ETV6: variants seen among roughly 807,000 people sequenced by gnomAD.
The protein encoded by ETV6 is ETS variant transcription factor 6.
Under a neutral mutation model 51.1 loss-of-function variants are expected in ETV6, and 16 were observed. That is an observed-to-expected ratio of 0.31 (90% CI 0.21 to 0.48). The LOEUF is 0.48. Among genes scored for constraint, ETV6 ranks in the 20% least tolerant of loss-of-function variants. The pLI, the probability that ETV6 is intolerant of heterozygous loss-of-function variation, is 0.99. For synonymous variants in ETV6, 240 were observed against 224.1 expected (o/e 1.07, Z -0.64); for missense variants, 458 against 594.8 (o/e 0.77, Z 2.39).
At chr12:11,680,896 A>G (rs987923843) in intron 1 of ETV6, among the ~76,000 whole-genome samples, 1 of 152,156 alleles carries the variant, frequency 6.6e-6, no homozygotes, top group Admixed American at 6.5e-5. Context: ...CTTCTCTGTG[A>G]TGCTCCTTAC....
At chr12:11,765,241 G>A (rs868777288) in intron 2 of ETV6, among the ~76,000 whole-genome samples, 1 of 152,084 alleles carries the variant, frequency 6.6e-6, no homozygotes. Context: ...GGTAAATACT[G>A]TCCCTTTCAG....
chr12:11,700,502 T>C (rs1032388061), intron 1 of ETV6, among the ~76,000 whole-genome samples: 7 of 152,326 alleles, frequency 4.6e-5, no homozygotes, highest in African/African-American at 1.7e-4. Flanking sequence ...GTTATGTATA[T>C]AACTTCTGAG....
At chr12:11,856,221 C>T (rs1011986703) in intron 4 of ETV6, among the ~76,000 whole-genome samples, 1 of 152,182 alleles carries the variant, frequency 6.6e-6, no homozygotes, top group African/African-American at 2.4e-5. Context: ...CAAGTAAATA[C>T]AGATGTGCCA....
chr12:11,752,838 T>C (rs1866065095), intron 2 of ETV6: 1 of 340,486 alleles, frequency 2.9e-6, no homozygotes, highest in Non-Finnish European at 5.3e-6. Context: ...AAACATGCAG[T>C]ATATGGCAGA....
intron 1 of ETV6, among the ~76,000 whole-genome samples, chr12:11,658,821 G>A (rs891597892): frequency 1.6e-4 from 24 of 152,232 alleles, no homozygotes; most frequent in African/African-American, 5.5e-4. Context: ...TGAAGGAATA[G>A]CTAATGTGGT....
chr12:11,680,279 C>A lies in ETV6; in HGVS notation c.33+30119C>A, dbSNP rs528929201. On this transcript the variant is annotated intron_variant, in intron 1 of 7. Coordinates refer to ENST00000396373, the MANE Select transcript of ETV6 (RefSeq NM_001987.5). ...GTTGGGGGGCAGGCAGTATATTTTA[C>A]ATCTGCTGATAATATGCTAGAACCA... is the stretch of plus-strand genomic sequence containing the variant. 5.9e-5 allele frequency among the ~76,000 whole-genome samples: 9 copies of A among 152,324 alleles called. No individual in the cohort carries two copies. The South Asian group carries it at 1.9e-3, about 32-fold the overall frequency.
chr12:11,767,455 G>T (rs890623328), intron 2 of ETV6, among the ~76,000 whole-genome samples: 2 of 152,266 alleles, frequency 1.3e-5, no homozygotes, highest in African/African-American at 2.4e-5. Flanking sequence ...TATGTGTGCA[G>T]CATGGCTCGA....
chr12:11,781,234 C>T (rs1303796747), intron 2 of ETV6, among the ~76,000 whole-genome samples: 1 of 152,194 alleles, frequency 6.6e-6, no homozygotes, highest in Admixed American at 6.5e-5. Context: ...TATATTTCAA[C>T]TTGTCATCCA....
chr12:11,705,687 A>G (rs1363997819), intron 1 of ETV6, among the ~76,000 whole-genome samples: 1 of 152,222 alleles, frequency 6.6e-6, no homozygotes, highest in East Asian at 1.9e-4. Flanking sequence ...AAAACAGCAC[A>G]TTATTTTTCG....
At chr12:11,797,828 A>G (rs1221945119) in intron 2 of ETV6, among the ~76,000 whole-genome samples, 2 of 152,260 alleles carry the variant, frequency 1.3e-5, no homozygotes, top group Admixed American at 1.3e-4. Flanking sequence ...CAAATCTCTC[A>G]TACCAGAGAA....
At chr12:11,859,433 A>G (rs1397331256) in intron 4 of ETV6, among the ~76,000 whole-genome samples, 1 of 151,658 alleles carries the variant, frequency 6.6e-6, no homozygotes, top group African/African-American at 2.4e-5. Flanking sequence ...GAGCCACCAC[A>G]CCCGGCCTGA....
chr12:11,692,352 C>T (rs746924496), intron 1 of ETV6, among the ~76,000 whole-genome samples: 1 of 152,108 alleles, frequency 6.6e-6, no homozygotes, highest in Non-Finnish European at 1.5e-5. Context: ...TCCCTAGCCT[C>T]CATAACTGTA....
chr12:11,769,098 C>A, intron 2 of ETV6: 1 of 377,628 alleles, frequency 2.6e-6, no homozygotes, highest in Non-Finnish European at 5.2e-6. Context: ...CCTACTGTGC[C>A]CAGTAGAGTA....
intron 2 of ETV6, among the ~76,000 whole-genome samples, chr12:11,794,415 T>C (rs1436615233): frequency 6.6e-6 from 1 of 152,212 alleles, no homozygotes; most frequent in Non-Finnish European, 1.5e-5. Context: ...GGTTTTCTAG[T>C]GCACGCTCCA....
intron 1 of ETV6, among the ~76,000 whole-genome samples, chr12:11,667,514 G>A (rs1157087618): frequency 6.4e-5 from 9 of 141,546 alleles, no homozygotes; most frequent in African/African-American, 2.4e-4. Flanking sequence ...ACCTGCTGAA[G>A]AACAAACCTG....
chr12:11,726,689 G>A (rs1475014734), intron 1 of ETV6, among the ~76,000 whole-genome samples: 2 of 152,152 alleles, frequency 1.3e-5, no homozygotes, highest in South Asian at 2.1e-4. Flanking sequence ...AGGATTGCTT[G>A]AGCCCAGGAG....
chr12:11,851,973 G>A (rs1190196270), intron 3 of ETV6, among the ~76,000 whole-genome samples: 1 of 152,174 alleles, frequency 6.6e-6, no homozygotes, highest in African/African-American at 2.4e-5. Context: ...TTGAATTTAA[G>A]TTGGTAATTA....
intron 1 of ETV6, among the ~76,000 whole-genome samples, chr12:11,705,233 G>T (rs900277172): frequency 2.0e-5 from 3 of 152,222 alleles, no homozygotes; most frequent in African/African-American, 7.2e-5. Flanking sequence ...GATGAAGTGG[G>T]CCGGTGCTCA....
At chr12:11,865,985 C>A (rs994876281) in intron 4 of ETV6, among the ~76,000 whole-genome samples, 7 of 151,956 alleles carry the variant, frequency 4.6e-5, no homozygotes, top group African/African-American at 1.7e-4. Flanking sequence ...TTTCTATATT[C>A]TCCTTCTTGG....
Sources: allele counts gnomAD v4.1 joint callset (sites outside exome capture counted in the v4.1 genomes callset), GRCh38; gene constraint gnomAD v4.1.1; transcripts MANE v1.5; gene names NCBI Gene and HGNC (gene_info 2026-07-23, HGNC 2026-07-21).